Variants in DLC1 observed in about 807,000 individuals in gnomAD.
The protein encoded by DLC1 is rho GTPase-activating protein 7.
DLC1 carries 54 observed loss-of-function variants against 140.3 expected under a neutral mutation model. The ratio of observed to expected loss-of-function variants is 0.38; its 90% CI spans 0.31 to 0.48. DLC1 has a LOEUF of 0.48. DLC1 is among the 20% of genes least tolerant of loss of function. DLC1 has a pLI of 0.96. For missense variants in DLC1, 2,536 were observed against 1,907.0 expected (o/e 1.33, Z -6.14); for synonymous variants, 986 against 728.1 (o/e 1.35, Z -5.70).
At chr8:13,578,111 A>T (rs1804910779) in intron 1 of DLC1, among the ~76,000 whole-genome samples, 1 of 152,030 alleles carries the variant, frequency 6.6e-6, no homozygotes, top group Admixed American at 6.6e-5. Flanking sequence ...ACTCCCTGGG[A>T]GTTGGCTCCT....
At chr8:13,522,827 G>A (rs1161278638) in intron 1 of DLC1, among the ~76,000 whole-genome samples, 1 of 151,966 alleles carries the variant, frequency 6.6e-6, no homozygotes, top group African/African-American at 2.4e-5. Flanking sequence ...TGCAAAGGTG[G>A]CTTATCAGTA....
Position 13,496,785 on chromosome 8 carries a change from C to CTTTTTTTT in DLC1, c.1023+2263_1023+2264insAAAAAAAA, listed in dbSNP as rs1491502803. Among the ~76,000 whole-genome samples the CTTTTTTTT allele has an allele frequency of 5.0e-3, 43 of 8,642 alleles. 17 individuals carry two copies. The highest frequency in any genetic ancestry group is 0.011 in the East Asian group (15 of 1,348). The allele number at this position is 8,642 out of a possible 152,430, so 5.7% of individuals were successfully genotyped here. On this transcript the variant is annotated intron_variant, in intron 2 of 17. Transcript: ENST00000276297. ...TAATTAACAAATTCTTAGACCATTT[C>CTTTTTTTT]CTTTTTTTTTTTTTTTTTTTTTTTT...
chr8:13,336,773 T>G, intron 4 of DLC1, among the ~76,000 whole-genome samples: 1 of 152,204 alleles, frequency 6.6e-6, no homozygotes, highest in East Asian at 1.9e-4. Context: ...CAATTAATAA[T>G]GTACATAATA....
intron 5 of DLC1, among the ~76,000 whole-genome samples, chr8:13,289,007 C>T (rs1371124982): frequency 6.6e-6 from 1 of 152,132 alleles, no homozygotes; most frequent in Non-Finnish European, 1.5e-5. Context: ...TACAAAATCG[C>T]ATATTAGGTG....
chr8:13,198,460 A>C (rs1436200948), intron 5 of DLC1, among the ~76,000 whole-genome samples: 2 of 152,192 alleles, frequency 1.3e-5, no homozygotes, highest in African/African-American at 2.4e-5. Flanking sequence ...CGAGTGAAAG[A>C]ATGTTTGTTT....
chr8:13,565,854 C>T (rs867339456), intron 1 of DLC1, among the ~76,000 whole-genome samples: 1 of 152,268 alleles, frequency 6.6e-6, no homozygotes, highest in African/African-American at 2.4e-5. Flanking sequence ...ATTAATAAAA[C>T]TCTACTGTGT....
intron 5 of DLC1, among the ~76,000 whole-genome samples, chr8:13,179,624 G>C (rs1394657018): frequency 1.3e-5 from 2 of 152,008 alleles, no homozygotes; most frequent in Non-Finnish European, 2.9e-5. Context: ...GGGAGGCTGA[G>C]GTAGGAGGAT....
chr8:13,576,032 A>T (rs117222442), intron 1 of DLC1, among the ~76,000 whole-genome samples: 8 of 152,280 alleles, frequency 5.3e-5, no homozygotes, highest in Non-Finnish European at 1.2e-4. Flanking sequence ...TGGCCTGTAA[A>T]AGTGCATAGA....
At chr8:13,486,769 G>A (rs1030157311) in intron 2 of DLC1, among the ~76,000 whole-genome samples, 3 of 152,086 alleles carry the variant, frequency 2.0e-5, no homozygotes, top group Non-Finnish European at 2.9e-5. Flanking sequence ...TTGGATAAAT[G>A]AACATAGGAC....
intron 5 of DLC1, among the ~76,000 whole-genome samples, chr8:13,160,638 G>C (rs1334591088): frequency 6.6e-6 from 1 of 152,114 alleles, no homozygotes; most frequent in Non-Finnish European, 1.5e-5. Flanking sequence ...GAATGATTTG[G>C]CTTCTAAACC....
rs1801526295 is a variant in DLC1 at position 13,496,785 on chromosome 8, CCT to C, written c.1023+2262_1023+2263del. On this transcript the variant is annotated intron_variant, in intron 2 of 17. Coordinates refer to ENST00000276297, the MANE Select transcript of DLC1 (RefSeq NM_182643.3). ...TAATTAACAAATTCTTAGACCATTTCCTTTTTTTTTTTTTTTTTTTTTTTTTT... is the reference window on the plus strand; with the variant it reads ...TAATTAACAAATTCTTAGACCATTTCTTTTTTTTTTTTTTTTTTTTTTTTT... Among the ~76,000 whole-genome samples, 6 of 8,650 alleles carry C rather than the reference CCT, an allele frequency of 6.9e-4. 1 individual carries two copies. In the South Asian group the frequency reaches 0.013, roughly 18 times the overall value. 5.7% of individuals were successfully genotyped at this position (8,650 alleles called of 152,430 possible).
intron 1 of DLC1, chr8:13,567,875 T>A (rs1315830251): frequency 6.4e-7 from 1 of 1,551,838 alleles, no homozygotes; most frequent in Non-Finnish European, 8.7e-7. Flanking sequence ...GCTTGTCATT[T>A]ACCATTTTCT....
chr8:13,572,827 C>T (rs989885860), intron 1 of DLC1, among the ~76,000 whole-genome samples: 2 of 152,058 alleles, frequency 1.3e-5, no homozygotes, highest in African/African-American at 4.8e-5. Context: ...AAATTCTGTT[C>T]CATTGGTCTC....
chr8:13,185,208 C>A (rs1025841087), intron 5 of DLC1, among the ~76,000 whole-genome samples: 5 of 143,294 alleles, frequency 3.5e-5, no homozygotes, highest in Middle Eastern at 4.0e-3. Context: ...TCTTTGCATG[C>A]GAGATGGGTC....
intron 5 of DLC1, among the ~76,000 whole-genome samples, chr8:13,284,297 C>T (rs1470029643): frequency 6.6e-6 from 1 of 152,140 alleles, no homozygotes; most frequent in Admixed American, 6.5e-5. Context: ...GAGGCCAAGG[C>T]GAGTGGATCA....
intron 2 of DLC1, among the ~76,000 whole-genome samples, chr8:13,427,308 C>G (rs1391649837): frequency 6.6e-6 from 1 of 152,160 alleles, no homozygotes; most frequent in South Asian, 2.1e-4. Flanking sequence ...TGTCCCGACA[C>G]TGGCTCATTC....
chr8:13,281,246 C>G (rs1244072535), intron 5 of DLC1, among the ~76,000 whole-genome samples: 1 of 152,118 alleles, frequency 6.6e-6, no homozygotes, highest in Non-Finnish European at 1.5e-5. Flanking sequence ...CATTTGGAAC[C>G]CTAAGGATCC....
At chr8:13,095,019 C>A (rs1818389448) in intron 11 of DLC1, 62 bp from the exon 12 acceptor site, 1 of 1,613,484 alleles carries the variant, frequency 6.2e-7, no homozygotes, top group African/African-American at 1.3e-5. Context: ...TTACACCACA[C>A]AACTAGAAGA....
At chr8:13,268,388 C>G (rs1489525984) in intron 5 of DLC1, among the ~76,000 whole-genome samples, 1 of 152,120 alleles carries the variant, frequency 6.6e-6, no homozygotes, top group African/African-American at 2.4e-5. Context: ...GATCTCGGCT[C>G]ACTGCAAGCT....
Sources: gnomAD v4.1 joint callset for allele counts (sites outside exome capture counted in the v4.1 genomes callset) on GRCh38, gnomAD v4.1.1 for gene constraint, MANE v1.5 for transcripts, NCBI Gene and HGNC (gene_info 2026-07-23, HGNC 2026-07-21) for gene names.